Variants in XPO6 observed in about 807,000 individuals in gnomAD.
The protein encoded by XPO6 is exportin 6, also known as exportin-6.
A neutral mutation model predicts 130.0 loss-of-function variants in XPO6; 3 were observed. The ratio of observed to expected loss-of-function variants is 0.02; its 90% CI spans 0.01 to 0.06. The LOEUF is 0.06. Among genes scored for constraint, XPO6 ranks in the 10% least tolerant of loss-of-function variants. XPO6 has a pLI of 1.00. For missense variants in XPO6, 970 were observed against 1,393.0 expected (o/e 0.70, Z 4.83); for synonymous variants, 524 against 548.9 (o/e 0.95, Z 0.63).
At chr16:28,109,316 G>T (rs199901691) in intron 17 of XPO6, among the ~76,000 whole-genome samples, 4,626 of 121,624 alleles carry the variant, frequency 0.038, 169 homozygotes, top group African/African-American at 0.12. Flanking sequence ...TTTTTTTTTT[G>T]TTTTCAAGAA....
chr16:28,147,936 ACC>A (rs1309295106), intron 8 of XPO6, among the ~76,000 whole-genome samples: 1 of 152,042 alleles, frequency 6.6e-6, no homozygotes, highest in Non-Finnish European at 1.5e-5. Context: ...ACAGAGCAAG[ACC>A]CTGTCTCAAA....
intron 8 of XPO6, among the ~76,000 whole-genome samples, chr16:28,148,392 T>C (rs547421872): frequency 2.0e-5 from 3 of 152,290 alleles, no homozygotes; most frequent in South Asian, 4.1e-4. Flanking sequence ...GCTGTGGACA[T>C]GGTTCATTCC....
At chr16:28,129,059 C>A (rs758499649) in intron 12 of XPO6, among the ~76,000 whole-genome samples, 1 of 152,192 alleles carries the variant, frequency 6.6e-6, no homozygotes, top group Non-Finnish European at 1.5e-5. Flanking sequence ...GTGTTTTAAA[C>A]TGTGAGTTTG....
chr16:28,197,914 TAAAAAAAAAAAA>T (rs56896819), intron 1 of XPO6, among the ~76,000 whole-genome samples: 5 of 45,732 alleles, frequency 1.1e-4, no homozygotes, highest in African/African-American at 1.9e-4. Context: ...GAGAGACTCT[TAAAAAAAAAAAA>T]AAAAAAAAAA....
chr16:28,186,374 C>CTTTTTTGTTTTTTTTTT (rs2043693852), intron 1 of XPO6, among the ~76,000 whole-genome samples: 1 of 81,442 alleles, frequency 1.2e-5, no homozygotes, highest in Non-Finnish European at 2.1e-5. Context: ...CCCAGTTATT[C>CTTTTTTGTTTTTTTTTT]TTTTTTTTTT....
chr16:28,160,792 T>C (rs1297221424), intron 6 of XPO6, among the ~76,000 whole-genome samples: 2 of 152,192 alleles, frequency 1.3e-5, no homozygotes, highest in Non-Finnish European at 2.9e-5. Context: ...TCTATTGATA[T>C]TTGCCATATT....
intron 20 of XPO6, among the ~76,000 whole-genome samples, chr16:28,105,162 G>A (rs995924594): frequency 5.9e-5 from 9 of 152,170 alleles, no homozygotes; most frequent in Non-Finnish European, 1.3e-4. Context: ...ACACAACCAC[G>A]GAGGCTAAAG....
chr16:28,152,532 A>T, intron 8 of XPO6, 127 bp downstream of exon 8: 1 of 1,168,522 alleles, frequency 8.6e-7, no homozygotes, highest in Middle Eastern at 3.1e-4. Flanking sequence ...TAAACCTGTG[A>T]CTCTTCACAT....
chr16:28,206,035 C>CAAAA lies in XPO6; in HGVS notation c.3+5327_3+5330dup, dbSNP rs1251090416. Among the ~76,000 whole-genome samples, 38 of 92,662 alleles carry CAAAA rather than the reference C, an allele frequency of 4.1e-4. 3 individuals carry two copies. In the East Asian group the frequency reaches 6.6e-3, roughly 16 times the overall value. 60.8% of individuals were successfully genotyped at this position (92,662 alleles called of 152,430 possible). On this transcript the variant is annotated intron_variant, in intron 1 of 23. Coordinates refer to ENST00000304658, the MANE Select transcript of XPO6 (RefSeq NM_015171.4). ...CCTAGGCGACAGAGCAAGACTGTCT[C>CAAAA]AAAAAAAAAAAAAAAAAAACTGCCT... is the stretch of plus-strand genomic sequence containing the variant.
At chr16:28,199,376 G>A (rs2043919043) in intron 1 of XPO6, among the ~76,000 whole-genome samples, 1 of 152,008 alleles carries the variant, frequency 6.6e-6, no homozygotes, top group Non-Finnish European at 1.5e-5. Flanking sequence ...CCGGGTTCAA[G>A]CAATTCTCCC....
rs1233351242 is a variant in XPO6, at chr16:28,152,922, A to G, written c.1098-137T>C. On this transcript the variant is annotated intron_variant, in intron 7 of 23. Coordinates refer to ENST00000304658, the MANE Select transcript of XPO6 (RefSeq NM_015171.4). The stretch of plus-strand genomic sequence containing the variant: ...TCTTTTAAAAATATAAAGGCCTGCA[A>G]CAATTACCTACAGGACAGGCAACCC... 2.9e-6 allele frequency: 4 copies of G among 1,389,180 alleles called. No individual in the cohort carries two copies. The South Asian group carries it at 4.8e-5, about 17-fold the overall frequency. The allele number at this position is 1,389,180 out of a possible 1,614,324, so 86.1% of individuals were successfully genotyped here.
intron 6 of XPO6, among the ~76,000 whole-genome samples, chr16:28,162,361 A>G (rs1018605914): frequency 1.3e-5 from 2 of 152,222 alleles, no homozygotes; most frequent in South Asian, 2.1e-4. Flanking sequence ...AATCAGCACA[A>G]AACAGATTCT....
rs565410269 is a variant in XPO6 at position 28,099,674 on chromosome 16, G to A, written c.3277-1035C>T. On this transcript the variant is annotated intron_variant, in intron 23 of 23. Coordinates refer to ENST00000304658, the MANE Select transcript of XPO6 (RefSeq NM_015171.4). ...CAGAGGCTTGTTAGAAGGCTTACTC[G>A]AGCCAAGACATGTCACATGCTTGGC... Among the ~76,000 whole-genome samples, 5 of 152,262 alleles carry A rather than the reference G, an allele frequency of 3.3e-5. No homozygotes were observed. In the South Asian group the frequency reaches 8.3e-4, roughly 25 times the overall value.
intron 7 of XPO6, chr16:28,155,852 C>T: frequency 8.3e-7 from 1 of 1,208,272 alleles, no homozygotes; most frequent in Non-Finnish European, 1.1e-6. Context: ...AGACAACAAA[C>T]CTACACAAGG....
At chr16:28,143,597 T>C (rs2042933205) in intron 9 of XPO6, among the ~76,000 whole-genome samples, 1 of 152,224 alleles carries the variant, frequency 6.6e-6, no homozygotes. Context: ...TGCTAGTATA[T>C]ATTTTCTCAA....
chr16:28,112,077 C>A lies in XPO6; in HGVS notation c.2152-71G>T, dbSNP rs1482235305. ...CCGTGGTGCGGCATGCCCAACACAG[C>A]CTTCAGCACCCGCTGGCTGCACACC... On this transcript the variant is annotated intron_variant, in intron 16 of 23. Transcript: ENST00000304658. The A allele has an allele frequency of 9.4e-6, 14 of 1,494,826 alleles. No homozygotes were observed. The Admixed American group carries it at 2.5e-4, about 27-fold the overall frequency. The allele number at this position is 1,494,826 out of a possible 1,614,324, so 92.6% of individuals were successfully genotyped here. A position where few individuals can be genotyped will look rare whatever the true frequency, so the allele number is the denominator to read the frequency against.
chr16:28,108,401 C>G (rs2086832886), intron 17 of XPO6, among the ~76,000 whole-genome samples: 1 of 152,334 alleles, frequency 6.6e-6, no homozygotes, highest in South Asian at 2.1e-4. Context: ...AGGTGACCAT[C>G]TGAAGGCTAT....
In XPO6 at chr16:28,201,582, C is replaced by A. The variant is rs150361932; in HGVS notation, c.3+9784G>T. On this transcript the variant is annotated intron_variant, in intron 1 of 23. Coordinates refer to ENST00000304658, the MANE Select transcript of XPO6 (RefSeq NM_015171.4). The stretch of plus-strand genomic sequence containing the variant: ...CTGTAAGAATGTAGTCTTGGCCGGG[C>A]GTGGTGGCTCATGCCTGTAATCCCA... 4.5e-3 allele frequency among the ~76,000 whole-genome samples: 678 copies of A among 152,258 alleles called. 5 individuals are homozygous for A. Among genetic ancestry groups the A allele is most frequent in the African/African-American group, 0.016 (658 of 41,552 alleles).
chr16:28,123,311 T>G (rs1197749073), intron 13 of XPO6, among the ~76,000 whole-genome samples: 2 of 152,106 alleles, frequency 1.3e-5, no homozygotes, highest in African/African-American at 4.8e-5. Flanking sequence ...TTTCGTCATG[T>G]TGTCCAGGTT....
Sources: allele counts gnomAD v4.1 joint callset (sites outside exome capture counted in the v4.1 genomes callset), GRCh38; gene constraint gnomAD v4.1.1; transcripts MANE v1.5; gene names NCBI Gene and HGNC (gene_info 2026-07-23, HGNC 2026-07-21).